ZNF704: variants seen among roughly 807,000 people sequenced by gnomAD.
ZNF704 encodes the protein zinc finger protein 704, also known as glucocorticoid induced gene 1.
A neutral mutation model predicts 44.7 loss-of-function variants in ZNF704; 10 were observed. The ratio of observed to expected loss-of-function variants is 0.22; its 90% CI spans 0.14 to 0.38. The LOEUF (loss-of-function observed/expected upper bound fraction) is 0.38. Among genes scored for constraint, ZNF704 ranks in the 10% least tolerant of loss-of-function variants. The pLI, the probability that ZNF704 is intolerant of heterozygous loss-of-function variation, is 1.00. For synonymous variants in ZNF704, 211 were observed against 207.6 expected (o/e 1.02, Z -0.14); for missense variants, 390 against 545.5 (o/e 0.71, Z 2.84).
chr8:80,869,487 T>C (rs985567017), intron 1 of ZNF704, among the ~76,000 whole-genome samples: 2 of 152,304 alleles, frequency 1.3e-5, no homozygotes, highest in East Asian at 1.9e-4. Flanking sequence ...ATAGAAAATA[T>C]ACCCACATCT....
At chr8:80,776,608 G>A (rs1405611423) in intron 2 of ZNF704, 4 of 152,050 alleles carry the variant, frequency 2.6e-5, no homozygotes, top group Non-Finnish European at 5.9e-5. Flanking sequence ...AATGTAATAA[G>A]GTTATGATTT....
At chr8:80,641,988 T>G (rs747720301) in intron 8 of ZNF704, among the ~76,000 whole-genome samples, 5 of 152,230 alleles carry the variant, frequency 3.3e-5, no homozygotes, top group Non-Finnish European at 5.9e-5. Context: ...TAAAACTGAA[T>G]TAAACAAGTA....
chr8:80,659,426 G>T (rs141432932), intron 7 of ZNF704, among the ~76,000 whole-genome samples, 159 bp downstream of exon 7: 170 of 152,326 alleles, frequency 1.1e-3, no homozygotes, highest in African/African-American at 4.0e-3. Flanking sequence ...TCGAAAAGAA[G>T]TGATATCTGC....
rs369192502 is a variant in ZNF704, at chr8:80,797,188, C to T, written c.221+24186G>A. ...GCTCTAAGGCCTTGGGCAGCTCTGC[C>T]CCCATGGCATTCCTGGGTTCAGCCC... On this transcript the variant is annotated intron_variant, in intron 2 of 8. Coordinates refer to ENST00000327835, the MANE Select transcript of ZNF704 (RefSeq NM_001033723.3). Among the ~76,000 whole-genome samples the T allele has an allele frequency of 1.1e-4, 16 of 152,272 alleles. 1 individual carries two copies. The highest frequency in any genetic ancestry group is 3.6e-4 in the African/African-American group (15 of 41,564).
chr8:80,739,032 T>C (rs1195800357), intron 2 of ZNF704, among the ~76,000 whole-genome samples: 3 of 152,198 alleles, frequency 2.0e-5, no homozygotes, highest in South Asian at 4.1e-4. Context: ...CATACTTTAC[T>C]GAACAATTAT....
intron 2 of ZNF704, among the ~76,000 whole-genome samples, chr8:80,758,474 G>GA (rs984001073): frequency 1.3e-5 from 2 of 151,788 alleles, no homozygotes; most frequent in African/African-American, 4.8e-5. Context: ...CTCCTTCTTT[G>GA]AAAAAAACCA....
chr8:80,742,664 A>C (rs1806779951), intron 2 of ZNF704, among the ~76,000 whole-genome samples: 1 of 152,142 alleles, frequency 6.6e-6, no homozygotes. Flanking sequence ...GGAGCCCCAG[A>C]TGCAGTCCAT....
intron 2 of ZNF704, among the ~76,000 whole-genome samples, chr8:80,709,306 T>C (rs1818945445): frequency 6.6e-6 from 1 of 151,548 alleles, no homozygotes; most frequent in Non-Finnish European, 1.5e-5. Flanking sequence ...TAGCCGAGCA[T>C]GGTGGCGGGC....
chr8:80,758,517 G>A (rs1417085795), intron 2 of ZNF704, among the ~76,000 whole-genome samples: 3 of 151,812 alleles, frequency 2.0e-5, no homozygotes, highest in Non-Finnish European at 2.9e-5. Flanking sequence ...CTATAACTCA[G>A]TTTCAAATAT....
intron 2 of ZNF704, among the ~76,000 whole-genome samples, chr8:80,718,888 T>C (rs1393573536): frequency 1.3e-5 from 2 of 152,220 alleles, no homozygotes; most frequent in Non-Finnish European, 2.9e-5. Context: ...AAGTTCTGGT[T>C]GGCAATAACC....
intron 2 of ZNF704, among the ~76,000 whole-genome samples, chr8:80,723,446 T>C (rs1002281583): frequency 2.0e-5 from 3 of 151,498 alleles, no homozygotes; most frequent in African/African-American, 4.8e-5. Flanking sequence ...AAGTATGTGA[T>C]TGGTAAAAAA....
rs147947588 is a variant in ZNF704 at position 80,838,045 on chromosome 8, C to T, written c.-21-16430G>A. On this transcript the variant is annotated intron_variant, in intron 1 of 8. Transcript: ENST00000327835. The stretch of plus-strand genomic sequence containing the variant: ...ACTTTTCCATACCCCCTACTAGAGC[C>T]GACCCTCATCTCCCCAGAGCCCACT... Among the ~76,000 whole-genome samples the T allele has an allele frequency of 4.9e-3, 739 of 152,220 alleles. 5 individuals carry two copies. Among genetic ancestry groups the T allele is most frequent in the South Asian group, 0.025 (122 of 4,808 alleles).
intron 2 of ZNF704, among the ~76,000 whole-genome samples, chr8:80,764,247 T>A (rs1807189309): frequency 1.3e-5 from 2 of 152,090 alleles, no homozygotes; most frequent in African/African-American, 4.8e-5. Context: ...TATAAAGAAA[T>A]AACGGAGACT....
At chr8:80,738,131 T>C (rs78075229) in intron 2 of ZNF704, among the ~76,000 whole-genome samples, 2,556 of 152,336 alleles carry the variant, frequency 0.017, 80 homozygotes, top group African/African-American at 0.058. Flanking sequence ...ACCACAAAGA[T>C]GAAGTGCCCT....
At chr8:80,875,556 G>C (rs1489997309), upstream of ZNF704, among the ~76,000 whole-genome samples, 1 of 152,126 alleles carries the variant, frequency 6.6e-6, no homozygotes, top group Non-Finnish European at 1.5e-5. Context: ...TGCCTGCCTT[G>C]GCCTCCCAAA....
intron 2 of ZNF704, among the ~76,000 whole-genome samples, chr8:80,813,367 C>T (rs1048522410): frequency 8.5e-5 from 13 of 152,132 alleles, no homozygotes; most frequent in African/African-American, 2.7e-4. Flanking sequence ...ATTCACAATG[C>T]CATTCTAAAC....
At chr8:80,763,222 G>T (rs1807161446) in intron 2 of ZNF704, among the ~76,000 whole-genome samples, 1 of 152,236 alleles carries the variant, frequency 6.6e-6, no homozygotes. Context: ...TCCCAGTGGG[G>T]ACTCTGGTGG....
chr8:80,766,737 G>C (rs1407809980), intron 2 of ZNF704, among the ~76,000 whole-genome samples: 2 of 152,066 alleles, frequency 1.3e-5, no homozygotes, highest in African/African-American at 2.4e-5. Context: ...TTTTGTGACT[G>C]AGTCTCGCTC....
At chr8:80,716,436 AT>A (rs1176936625) in intron 2 of ZNF704, among the ~76,000 whole-genome samples, 7 of 152,226 alleles carry the variant, frequency 4.6e-5, no homozygotes, top group African/African-American at 1.7e-4. Context: ...AAAAGGAATC[AT>A]AGTTCATCTG....
Sources: allele counts gnomAD v4.1 joint callset (sites outside exome capture counted in the v4.1 genomes callset), GRCh38; gene constraint gnomAD v4.1.1; transcripts MANE v1.5; gene names NCBI Gene and HGNC (gene_info 2026-07-23, HGNC 2026-07-21).